FMNL3: variants seen among roughly 807,000 people sequenced by gnomAD.
The protein encoded by FMNL3 is formin-like protein 3.
A neutral mutation model predicts 119.6 loss-of-function variants in FMNL3; 57 were observed. The observed-to-expected ratio is 0.48, with a 90% CI of 0.39 to 0.59. The LOEUF is 0.59. FMNL3 is among the 20% of genes least tolerant of loss of function. FMNL3 has a pLI of 0.00. For missense variants in FMNL3, 1,053 were observed against 1,323.5 expected (o/e 0.80, Z 3.17); for synonymous variants, 491 against 507.3 (o/e 0.97, Z 0.43).
intron 1 of FMNL3, among the ~76,000 whole-genome samples, chr12:49,682,406 T>G (rs891608312): frequency 6.6e-6 from 1 of 152,124 alleles, no homozygotes; most frequent in Non-Finnish European, 1.5e-5. Context: ...TACAGCAGCA[T>G]AACCACAACT....
Position 49,643,726 on chromosome 12 carries a change from A to G in FMNL3, c.*2089T>C, listed in dbSNP as rs1439664161. ...TCGGAAAGCCAAGAAACCAAAAAAG[A>G]AAACTAAGAAGAGAAGACACAAGTC... is the stretch of plus-strand genomic sequence containing the variant. On this transcript the variant is annotated 3_prime_UTR_variant, in exon 26 of 26. Coordinates refer to ENST00000335154, the MANE Select transcript of FMNL3 (RefSeq NM_175736.5). The G allele has an allele frequency of 6.2e-7, 1 of 1,614,162 alleles. No individual in the cohort carries two copies. Among genetic ancestry groups the G allele is most frequent in the South Asian group, 1.1e-5 (1 of 91,070 alleles).
chr12:49,657,613 G>A (rs1476292962), intron 6 of FMNL3, among the ~76,000 whole-genome samples: 1 of 152,186 alleles, frequency 6.6e-6, no homozygotes, highest in Non-Finnish European at 1.5e-5. Context: ...TCACAGAAAA[G>A]GCAGAGCTGA....
At position 49,642,253 on chromosome 12, in the gene FMNL3, G is replaced by T. The variant is rs1565850433; in HGVS notation, c.*3562C>A. The T allele has an allele frequency of 6.2e-7, 1 of 1,614,164 alleles. No homozygotes were observed. Among genetic ancestry groups the T allele is most frequent in the South Asian group, 1.1e-5 (1 of 91,084 alleles). Reference sequence around the variant, plus strand: ...TCCTCAGCTGCTGGAGAAAGCAGAGGCACGGGAGAGGGAGCGGGAGAAGGA... The same window carrying T: ...TCCTCAGCTGCTGGAGAAAGCAGAGTCACGGGAGAGGGAGCGGGAGAAGGA... On this transcript the variant is annotated 3_prime_UTR_variant, in exon 26 of 26. Coordinates refer to ENST00000335154, the MANE Select transcript of FMNL3 (RefSeq NM_175736.5). The surrounding 1 kb of genome is among the most constrained non-coding windows in gnomAD (Gnocchi z 5.8).
At chr12:49,696,544 T>C (rs1944755944) in intron 1 of FMNL3, among the ~76,000 whole-genome samples, 1 of 152,230 alleles carries the variant, frequency 6.6e-6, no homozygotes, top group African/African-American at 2.4e-5. Context: ...AAACGCTACA[T>C]GATCAGTACA....
In FMNL3 at chr12:49,650,709, C is replaced by G. The variant is rs149056505; in HGVS notation, c.1967G>C (p.Arg656Pro). Reference sequence around the variant, plus strand: ...GGCCCTGCAGATCTCCTCAGCCGAGCGGCCAGCCTTGCGTAGGGTGATGGC... The same window carrying G: ...GGCCCTGCAGATCTCCTCAGCCGAGGGGCCAGCCTTGCGTAGGGTGATGGC... ...NLAITLRKAG[R>P]SAEEICRAIH... is the part of the protein sequence containing the mutation. The change falls in exon 17 of 26, where the codon CGC (arginine) becomes CCC (proline). Residue 656 changes from arginine (R) to proline (P), a missense_variant. Around this residue, in one of 4 missense-constraint regions of FMNL3, gnomAD observed 445 missense variants for 628.4 expected, o/e 0.71. Coordinates refer to ENST00000335154, the MANE Select transcript of FMNL3 (RefSeq NM_175736.5). 3 of 1,613,760 alleles carry G rather than the reference C, an allele frequency of 1.9e-6. No homozygotes were observed. The East Asian group carries it at 6.7e-5, about 36-fold the overall frequency.
intron 8 of FMNL3, 140 bp downstream of exon 8, chr12:49,656,683 T>TA (rs1462167155): frequency 4.3e-5 from 41 of 943,824 alleles, no homozygotes; most frequent in Non-Finnish European, 6.3e-5. Context: ...CAGGGACACT[T>TA]CTCTTCCAGC....
Position 49,647,711 on chromosome 12 carries a change from A to C in FMNL3, c.2770T>G (p.Ser924Ala). Residue 924 changes from serine (S) to alanine (A), a missense_variant, in exon 23 of 26, where the codon TCT (serine) becomes GCT (alanine). Physicochemically the swap from Ser to Ala is moderately conservative, Grantham distance 99. Around this residue, in one of 4 missense-constraint regions of FMNL3, gnomAD observed 324 missense variants for 380.9 expected, o/e 0.85. Transcript: ENST00000335154. The surrounding 1 kb of genome is among the most constrained non-coding windows in gnomAD (Gnocchi z 4.9). ...FFPVFVRFIR[S>A]YKEAEQENEA... ...AGCTCTCTGCAGCTTACCTTGTAAG[A>C]ACGAATGAATCGGACAAATACTGGG... 6.2e-7 allele frequency: 1 copy of C among 1,614,022 alleles called. No homozygotes were observed. The highest frequency in any genetic ancestry group is 8.5e-7 in the Non-Finnish European group (1 of 1,179,860).
At chr12:49,705,653 T>C (rs968309476) in intron 1 of FMNL3, among the ~76,000 whole-genome samples, 2 of 152,188 alleles carry the variant, frequency 1.3e-5, no homozygotes, top group African/African-American at 4.8e-5. Flanking sequence ...GCCTGTGAGA[T>C]GGTCACAGCA....
Position 49,643,555 on chromosome 12 carries a change from G to A in FMNL3, c.*2260C>T. ...CCTCTACCTGCCCAAGCAAGAAGCT[G>A]GAGAAGGAAAACTGGACTTAGACTT... On this transcript the variant is annotated 3_prime_UTR_variant, in exon 26 of 26. Coordinates refer to ENST00000335154, the MANE Select transcript of FMNL3 (RefSeq NM_175736.5). 1 of 1,360,234 alleles carries A rather than the reference G, an allele frequency of 7.4e-7. No individual in the cohort carries two copies. Among genetic ancestry groups the A allele is most frequent in the Non-Finnish European group, 9.9e-7 (1 of 1,007,104 alleles). The allele number at this position is 1,360,234 out of a possible 1,614,324, so 84.3% of individuals were successfully genotyped here. A position where few individuals can be genotyped will look rare whatever the true frequency, so the allele number is the denominator to read the frequency against.
At position 49,647,775 on chromosome 12, in the gene FMNL3, A is replaced by G. The variant is rs1395215280; in HGVS notation, c.2706T>C (p.Phe902=). The change falls in exon 23 of 26, where the codon TTT becomes TTC. Residue 902 remains phenylalanine (F), a synonymous_variant. Transcript: ENST00000335154. The surrounding 1 kb of genome is among the most constrained non-coding windows in gnomAD (Gnocchi z 4.9). ...EEAYNAVVRY[F]GESPKTTPPS... ...GAGGTGTAGTCTTGGGACTCTCGCC[A>G]AAGTAGCGCACAACTGCATTGTAGG... The G allele has an allele frequency of 3.1e-6, 5 of 1,613,800 alleles. No individual in the cohort carries two copies. The highest frequency in any genetic ancestry group is 2.2e-5 in the East Asian group (1 of 44,880).
Position 49,647,759 on chromosome 12 carries a change from T to C in FMNL3, c.2722A>G (p.Thr908Ala). 1 of 1,612,708 alleles carries C rather than the reference T, an allele frequency of 6.2e-7. No homozygotes were observed. Among genetic ancestry groups the C allele is most frequent in the Non-Finnish European group, 8.5e-7 (1 of 1,179,486 alleles). ...GGGAAGAATACAGAAGGAGGTGTAGTCTTGGGACTCTCGCCAAAGTAGCGC... is the reference window on the plus strand; with the variant it reads ...GGGAAGAATACAGAAGGAGGTGTAGCCTTGGGACTCTCGCCAAAGTAGCGC... ...VVRYFGESPK[T>A]TPPSVFFPVF... The change falls in exon 23 of 26, where the codon ACT becomes GCT. Residue 908 changes from threonine (T) to alanine (A), a missense_variant. Thr to Ala is a moderately conservative substitution (Grantham distance 58). Around this residue, in one of 4 missense-constraint regions of FMNL3, gnomAD observed 324 missense variants for 380.9 expected, o/e 0.85. Transcript: ENST00000335154. The surrounding 1 kb of genome is among the most constrained non-coding windows in gnomAD (Gnocchi z 4.9).
intron 5 of FMNL3, chr12:49,660,017 C>G (rs1012132391): frequency 1.1e-6 from 1 of 947,524 alleles, no homozygotes; most frequent in Non-Finnish European, 1.3e-6. Flanking sequence ...TGGGAGCAGG[C>G]TTTAGTGTCC....
chr12:49,659,791 C>T, intron 5 of FMNL3: 5 of 985,446 alleles, frequency 5.1e-6, no homozygotes, highest in Non-Finnish European at 6.0e-6. Flanking sequence ...CCTCTCTTAT[C>T]ATCCTCACTT....
intron 2 of FMNL3, among the ~76,000 whole-genome samples, chr12:49,667,364 TG>T (rs1943920529): frequency 1.3e-5 from 2 of 152,372 alleles, no homozygotes; most frequent in East Asian, 3.9e-4. Flanking sequence ...AAAGGGTTAC[TG>T]TTCTCCAAAC....
intron 1 of FMNL3, among the ~76,000 whole-genome samples, chr12:49,706,686 C>T (rs1945056778): frequency 6.6e-6 from 1 of 152,190 alleles, no homozygotes; most frequent in South Asian, 2.1e-4. Flanking sequence ...CTGAATTCCC[C>T]CCACCCGCGA....
Position 49,654,299 on chromosome 12 carries a change from C to T in FMNL3, c.964G>A (p.Ala322Thr), listed in dbSNP as rs1943502213. The change falls in exon 11 of 26, where the codon GCC (alanine) becomes ACC (threonine). Residue 322 changes from alanine to threonine, a missense_variant. This residue lies in a region of FMNL3 where 445 missense variants were observed against 628.4 expected (regional missense o/e 0.71). Coordinates refer to ENST00000335154, the MANE Select transcript of FMNL3 (RefSeq NM_175736.5). ...NEDSNIDFMV[A>T]CMQFINIVVH... ...ACGATGTTGATGAACTGCATGCAGGCCACCTGAAGAAGAGGAGGCCCAGAG... is the reference window on the plus strand; with the variant it reads ...ACGATGTTGATGAACTGCATGCAGGTCACCTGAAGAAGAGGAGGCCCAGAG... The T allele has an allele frequency of 1.2e-6, 2 of 1,612,792 alleles. No homozygotes were observed.
At chr12:49,652,325 T>A in intron 13 of FMNL3, 113 bp from the exon 14 acceptor site, 1 of 1,443,134 alleles carries the variant, frequency 6.9e-7, no homozygotes, top group East Asian at 2.5e-5. Context: ...GTCAGGGTAC[T>A]CAGAGGCTCA....
chr12:49,649,671 G>C lies in FMNL3; in HGVS notation c.2235+20C>G. 6.2e-7 allele frequency: 1 copy of C among 1,613,598 alleles called. No individual in the cohort carries two copies. Among genetic ancestry groups the C allele is most frequent in the East Asian group, 2.2e-5 (1 of 44,886 alleles). ...TGGAGGGACAGCTGTCCAGAGCCAT[G>C]AGTTGGGTGGGGGCTGTACCGGTGT... On this transcript the variant is annotated intron_variant, in intron 18 of 25. Transcript: ENST00000335154. The surrounding 1 kb of genome is among the most constrained non-coding windows in gnomAD (Gnocchi z 5.6).
At chr12:49,672,352 A>T (rs187023207) in intron 1 of FMNL3, among the ~76,000 whole-genome samples, 37 of 152,354 alleles carry the variant, frequency 2.4e-4, no homozygotes, top group Non-Finnish European at 1.0e-4. Context: ...CAGCCAAAAC[A>T]GTCACAATAG....
Sources: gnomAD v4.1 joint callset for allele counts (sites outside exome capture counted in the v4.1 genomes callset) on GRCh38, gnomAD v4.1.1 for gene constraint, gnomAD v4.1.1 regional missense constraint, Gnocchi (gnomAD v3.1) non-coding constraint, MANE v1.5 for transcripts, NCBI Gene and HGNC (gene_info 2026-07-23, HGNC 2026-07-21) for gene names.